Variants in GTF2B observed in about 807,000 individuals in gnomAD.
GTF2B encodes general transcription factor IIB.
GTF2B carries 20 observed loss-of-function variants against 34.6 expected under a neutral mutation model. The observed-to-expected ratio is 0.58, with a 90% CI of 0.41 to 0.84. The LOEUF (loss-of-function observed/expected upper bound fraction) is 0.84, where lower values mean the gene tolerates loss of function less well. Among genes scored for constraint, GTF2B ranks in the 40% least tolerant of loss-of-function variants. The pLI is 0.00. For missense variants in GTF2B, 237 were observed against 393.3 expected, an observed-to-expected ratio of 0.60 and a Z score of 3.36; for synonymous variants, 142 against 132.4, an observed-to-expected ratio of 1.07 and a Z score of -0.50.
At chr1:88,878,919 G>A (rs1019160334) in intron 2 of GTF2B, among the ~76,000 whole-genome samples, 1 of 152,198 alleles carries the variant, frequency 6.6e-6, no homozygotes, top group Non-Finnish European at 1.5e-5. Context: ...TGCAAGTGAA[G>A]AAGTTATCAT....
chr1:88,862,078 C>T (rs1394032361), intron 3 of GTF2B, among the ~76,000 whole-genome samples: 2 of 151,908 alleles, frequency 1.3e-5, no homozygotes, highest in African/African-American at 2.4e-5. Flanking sequence ...AAAAGACTAG[C>T]GAAGAAAATG....
rs150432173 is a variant in GTF2B at position 88,852,878 on chromosome 1, T to C, written c.*335A>G. 1.8e-5 allele frequency: 4 copies of C among 223,762 alleles called. No homozygotes were observed. Among genetic ancestry groups the C allele is most frequent in the African/African-American group, 9.3e-5 (4 of 43,004 alleles). The allele number at this position is 223,762 out of a possible 1,614,324, so 13.9% of individuals were successfully genotyped here. A position where few individuals can be genotyped will look rare whatever the true frequency, so the allele number is the denominator to read the frequency against. ...CTATCAGCTTTATTAGCTGCAATGA[T>C]TTGCATTATTTGTAATTATGTATCA... On this transcript the variant is annotated 3_prime_UTR_variant, in exon 7 of 7. Transcript: ENST00000370500.
At chr1:88,889,907 G>C (rs12409968) in intron 1 of GTF2B, among the ~76,000 whole-genome samples, 2,522 of 152,110 alleles carry the variant, frequency 0.017, 58 homozygotes, top group African/African-American at 0.045. Context: ...CAGGCACGTG[G>C]TGTGTACCTA....
At chr1:88,867,663 T>A (rs532396440) in intron 2 of GTF2B, among the ~76,000 whole-genome samples, 21 of 152,320 alleles carry the variant, frequency 1.4e-4, no homozygotes, top group African/African-American at 4.8e-4. Context: ...ATCTTTTAAG[T>A]CTCTCTAGAA....
intron 4 of GTF2B, 58 bp downstream of exon 4, chr1:88,860,082 C>G: frequency 1.2e-6 from 2 of 1,610,484 alleles, no homozygotes; most frequent in Non-Finnish European, 1.7e-6. Context: ...TTCATGTGTT[C>G]ATTAAATTAT....
At chr1:88,872,440 GAA>G (rs1340287899) in intron 2 of GTF2B, among the ~76,000 whole-genome samples, 3 of 78,524 alleles carry the variant, frequency 3.8e-5, no homozygotes, top group Non-Finnish European at 7.1e-5. Context: ...CAACAAGAGT[GAA>G]ACTCCATCTC....
At chr1:88,865,317 G>A (rs575500577) in intron 2 of GTF2B, among the ~76,000 whole-genome samples, 1 of 152,286 alleles carries the variant, frequency 6.6e-6, no homozygotes, top group South Asian at 2.1e-4. Flanking sequence ...TTAAAAAGTA[G>A]TACTAAGTGC....
At chr1:88,881,387 CTCA>C (rs1570734706) in intron 2 of GTF2B, among the ~76,000 whole-genome samples, 2 of 152,010 alleles carry the variant, frequency 1.3e-5, no homozygotes, top group African/African-American at 4.8e-5. Flanking sequence ...AGAACATACC[CTCA>C]TCAAGTGACA....
At chr1:88,866,031 A>G (rs1156710444) in intron 2 of GTF2B, among the ~76,000 whole-genome samples, 1 of 151,998 alleles carries the variant, frequency 6.6e-6, no homozygotes, top group African/African-American at 2.4e-5. Context: ...ATGCTCATAA[A>G]CAACCAGAGT....
chr1:88,872,889 G>A (rs753884021), intron 2 of GTF2B, among the ~76,000 whole-genome samples: 15 of 152,196 alleles, frequency 9.9e-5, no homozygotes, highest in East Asian at 3.9e-4. Flanking sequence ...ACCCTTTAGC[G>A]CACTGATCAC....
intron 2 of GTF2B, among the ~76,000 whole-genome samples, chr1:88,868,534 A>T (rs1373456957): frequency 6.6e-6 from 1 of 152,238 alleles, no homozygotes; most frequent in African/African-American, 2.4e-5. Context: ...TCCATATATT[A>T]GAGTGGTGTC....
At chr1:88,859,273 C>T (rs970158802) in intron 5 of GTF2B, among the ~76,000 whole-genome samples, 4 of 152,052 alleles carry the variant, frequency 2.6e-5, no homozygotes, top group Non-Finnish European at 5.9e-5. Flanking sequence ...CTTTGGTTTA[C>T]GATTATAGGC....
chr1:88,891,039 GA>G (rs1674186730), intron 1 of GTF2B, among the ~76,000 whole-genome samples: 1 of 139,236 alleles, frequency 7.2e-6, no homozygotes, highest in African/African-American at 2.7e-5. Flanking sequence ...ATAGGAACCT[GA>G]AACTAACTGT....
intron 6 of GTF2B, among the ~76,000 whole-genome samples, chr1:88,854,596 C>T (rs181184902): frequency 5.4e-4 from 82 of 152,146 alleles, no homozygotes; most frequent in Middle Eastern, 3.4e-3. Flanking sequence ...TCTGCCTCCC[C>T]GGTTCAAGCA....
chr1:88,855,135 T>C, intron 6 of GTF2B, among the ~76,000 whole-genome samples: 1 of 152,222 alleles, frequency 6.6e-6, no homozygotes, highest in Admixed American at 6.5e-5. Flanking sequence ...ACAAACTGCC[T>C]AGCTGCAACT....
chr1:88,855,430 G>A (rs538328778), intron 6 of GTF2B, among the ~76,000 whole-genome samples: 32 of 141,004 alleles, frequency 2.3e-4, no homozygotes, highest in South Asian at 1.6e-3. Flanking sequence ...TAGGCTCACC[G>A]CAACCTCTGC....
In GTF2B at chr1:88,885,421, C is replaced by T. The variant is rs572361670; in HGVS notation, c.124+1840G>A. On this transcript the variant is annotated intron_variant, in intron 2 of 6. Coordinates refer to ENST00000370500, the MANE Select transcript of GTF2B (RefSeq NM_001514.6). ...CACCACGGCACTCCAGCCTGGGCAA[C>T]AAAAGGGCAACAAGAGCGAAACTCT... 2.7e-5 allele frequency among the ~76,000 whole-genome samples: 4 copies of T among 149,462 alleles called. No individual in the cohort carries two copies. The South Asian group carries it at 8.5e-4, about 32-fold the overall frequency.
At chr1:88,875,465 G>A (rs1190687293) in intron 2 of GTF2B, among the ~76,000 whole-genome samples, 2 of 152,230 alleles carry the variant, frequency 1.3e-5, no homozygotes, top group African/African-American at 4.8e-5. Flanking sequence ...TAGGTCGATA[G>A]GAGCAGCAGC....
intron 2 of GTF2B, among the ~76,000 whole-genome samples, chr1:88,868,642 A>G (rs563481444): frequency 6.6e-6 from 1 of 152,310 alleles, no homozygotes; most frequent in Admixed American, 6.5e-5. Context: ...GTCAAAAGTC[A>G]CTTGCACCAG....
Sources: allele counts gnomAD v4.1 joint callset (sites outside exome capture counted in the v4.1 genomes callset), GRCh38; gene constraint gnomAD v4.1.1; transcripts MANE v1.5; gene names NCBI Gene and HGNC (gene_info 2026-07-23, HGNC 2026-07-21).